PDE4DIP: variants seen among roughly 807,000 people sequenced by gnomAD.
PDE4DIP encodes phosphodiesterase 4D interacting protein.
A neutral mutation model predicts 221.4 loss-of-function variants in PDE4DIP; 59 were observed. The ratio of observed to expected loss-of-function variants is 0.27; its 90% CI spans 0.22 to 0.33. The LOEUF is 0.33. Ranked by LOEUF, PDE4DIP falls within the 10% of genes least tolerant of loss-of-function variation. PDE4DIP has a pLI of 1.00. For missense variants in PDE4DIP, 1,036 were observed against 2,154.2 expected, an observed-to-expected ratio of 0.48 and a Z score of 10.28; for synonymous variants, 404 against 815.9, an observed-to-expected ratio of 0.50 and a Z score of 8.60.
intron 43 of PDE4DIP, chr1:149,030,759 C>A (rs1553636355): frequency 3.0e-6 from 3 of 985,156 alleles, no homozygotes; most frequent in Non-Finnish European, 3.6e-6. Context: ...TTTGCTATAT[C>A]TTTAAGTAAC....
At chr1:148,930,491 T>G (rs1205639478) in intron 2 of PDE4DIP, 1 of 150,276 alleles carries the variant, frequency 6.7e-6, no homozygotes, top group East Asian at 2.0e-4. Flanking sequence ...CACTCCAGCC[T>G]GGGCGACAGA....
chr1:148,843,655 G>A (rs1427709632), intron 1 of PDE4DIP, among the ~76,000 whole-genome samples: 1 of 38,158 alleles, frequency 2.6e-5, no homozygotes, highest in Non-Finnish European at 4.6e-5. Context: ...TCTAATTATA[G>A]TATGTCTGCC....
intron 5 of PDE4DIP, chr1:148,939,731 TAAG>T (rs1356234958): frequency 2.6e-5 from 4 of 152,180 alleles, no homozygotes; most frequent in East Asian, 1.9e-4. Flanking sequence ...CAACTGAGAA[TAAG>T]AAGAATTGAA....
intron 32 of PDE4DIP, among the ~76,000 whole-genome samples, chr1:149,015,848 A>G (rs1415122167): frequency 6.6e-6 from 1 of 152,170 alleles, no homozygotes; most frequent in Admixed American, 6.5e-5. Flanking sequence ...CGTGGAACGG[A>G]CATATTGACT....
chr1:148,967,632 G>A (rs1322211156), intron 12 of PDE4DIP, 94 bp from the exon 16 acceptor site: 1 of 595,632 alleles, frequency 1.7e-6, no homozygotes, highest in African/African-American at 1.8e-5. Flanking sequence ...AAAAATTGAT[G>A]GGAGATTATT....
intron 5 of PDE4DIP, among the ~76,000 whole-genome samples, chr1:148,956,131 A>G (rs1574250947): frequency 6.6e-6 from 1 of 152,152 alleles, no homozygotes; most frequent in African/African-American, 2.4e-5. Flanking sequence ...TGGAAAGAAT[A>G]GAAATAATAT....
chr1:148,961,405 A>T lies in PDE4DIP; in HGVS notation c.769-432A>T, dbSNP rs587625133. ...TTAACTTGTTACTACTTTCTAGCCCATGAATTTTAATGTCTGGCTTAGAAG... is the reference window on the plus strand; with the variant it reads ...TTAACTTGTTACTACTTTCTAGCCCTTGAATTTTAATGTCTGGCTTAGAAG... On this transcript the variant is annotated intron_variant, in intron 6 of 43. Coordinates refer to ENST00000369354, the Ensembl canonical transcript of PDE4DIP. Among the ~76,000 whole-genome samples, 1,168 of 152,208 alleles carry T rather than the reference A, an allele frequency of 7.7e-3. 11 individuals carry two copies. The highest frequency in any genetic ancestry group is 0.01 in the Non-Finnish European group (705 of 67,990).
intron 5 of PDE4DIP, chr1:148,954,014 T>G (rs1411556682): frequency 2.8e-6 from 2 of 705,816 alleles, no homozygotes; most frequent in Non-Finnish European, 5.0e-6. Context: ...TTGAGAAAAT[T>G]AGTCATGACC....
At chr1:148,867,727 CTG>C (rs1687467257) in intron 2 of PDE4DIP, among the ~76,000 whole-genome samples, 1 of 132,570 alleles carries the variant, frequency 7.5e-6, no homozygotes. Context: ...TACACATGGT[CTG>C]TGTCTGCTCT....
intron 1 of PDE4DIP, among the ~76,000 whole-genome samples, chr1:148,824,267 A>C (rs1198155758): frequency 6.7e-6 from 1 of 148,828 alleles, no homozygotes; most frequent in East Asian, 1.9e-4. Flanking sequence ...CCGTTTTCAG[A>C]CTCACGCACA....
chr1:148,930,856 G>A (rs1271799206), intron 2 of PDE4DIP: 3 of 116,474 alleles, frequency 2.6e-5, no homozygotes, highest in Admixed American at 9.0e-5. Flanking sequence ...AAAGCCAGAG[G>A]CATCACACTA....
chr1:148,956,380 T>C (rs1335200785), intron 5 of PDE4DIP, among the ~76,000 whole-genome samples: 1 of 152,074 alleles, frequency 6.6e-6, no homozygotes, highest in Admixed American at 6.6e-5. Context: ...TTTTTTTCTT[T>C]CCTTCTTTCC....
chr1:148,822,625 A>G (rs1363733698), intron 1 of PDE4DIP, among the ~76,000 whole-genome samples: 2 of 147,932 alleles, frequency 1.4e-5, no homozygotes, highest in African/African-American at 4.9e-5. Flanking sequence ...CTCTTCATGA[A>G]GTTGCCTGTT....
At chr1:148,988,283 T>G (rs1173306655) in intron 21 of PDE4DIP, among the ~76,000 whole-genome samples, 1 of 148,172 alleles carries the variant, frequency 6.7e-6, no homozygotes, top group Non-Finnish European at 1.5e-5. Context: ...TTACTTACAA[T>G]AACAATAATA....
chr1:148,935,216 A>G (rs1215354461), intron 4 of PDE4DIP, among the ~76,000 whole-genome samples: 17 of 151,978 alleles, frequency 1.1e-4, no homozygotes, highest in African/African-American at 4.1e-4. Context: ...CCATCTCAAA[A>G]AAAAAAAGAA....
At chr1:149,029,644 G>T in intron 41 of PDE4DIP, 143 bp from the exon 45 acceptor site, 1 of 702,042 alleles carries the variant, frequency 1.4e-6, no homozygotes, top group South Asian at 1.9e-5. Flanking sequence ...TCAGCTGGAG[G>T]TATCCGAGGC....
rs3978512 is a variant in PDE4DIP at position 148,815,547 on chromosome 1, CAAA to C, written c.233+6828_233+6830del. Among the ~76,000 whole-genome samples, 23 of 26,484 alleles carry C rather than the reference CAAA, an allele frequency of 8.7e-4. 1 individual carries two copies. Among genetic ancestry groups the C allele is most frequent in the Non-Finnish European group, 1.1e-3 (14 of 12,834 alleles). 17.4% of individuals were successfully genotyped at this position (26,484 alleles called of 152,430 possible). A position where few individuals can be genotyped will look rare whatever the true frequency, so the allele number is the denominator to read the frequency against. On this transcript the variant is annotated intron_variant, in intron 1 of 45. Coordinates refer to the PDE4DIP transcript ENST00000524974. ...CTGGTGACACAGCAAGACTCTGTCTCAAAAAAAAAAAAAAAAAAAAGAACTAAA... is the reference window on the plus strand; with the variant it reads ...CTGGTGACACAGCAAGACTCTGTCTCAAAAAAAAAAAAAAAAAGAACTAAA...
intron 41 of PDE4DIP, 120 bp from the exon 45 acceptor site, chr1:149,029,667 A>T (rs1230372501): frequency 4.0e-6 from 3 of 745,142 alleles, no homozygotes; most frequent in Non-Finnish European, 6.7e-6. Context: ...TGAAGGAGGA[A>T]ATCCAGTTCA....
intron 5 of PDE4DIP, among the ~76,000 whole-genome samples, chr1:148,954,651 A>G (rs2054693516): frequency 6.6e-6 from 1 of 152,218 alleles, no homozygotes; most frequent in Non-Finnish European, 1.5e-5. Flanking sequence ...ATTGGATCAG[A>G]GGAGAGTTTC....
Sources: gnomAD v4.1 joint callset for allele counts (sites outside exome capture counted in the v4.1 genomes callset) on GRCh38, gnomAD v4.1.1 for gene constraint, MANE v1.5 for transcripts, NCBI Gene and HGNC (gene_info 2026-07-23, HGNC 2026-07-21) for gene names.